ANTXR1: variants seen among roughly 807,000 people sequenced by gnomAD.
The protein encoded by ANTXR1 is ANTXR cell adhesion molecule 1, also known as anthrax toxin receptor 1.
Under a neutral mutation model 78.1 loss-of-function variants are expected in ANTXR1, and 19 were observed. That is an observed-to-expected ratio of 0.24 (90% CI 0.17 to 0.36). ANTXR1 has a LOEUF of 0.36. Ranked by LOEUF, ANTXR1 falls within the 10% of genes least tolerant of loss-of-function variation. The pLI is 1.00. For missense variants in ANTXR1, 518 were observed against 718.6 expected, an observed-to-expected ratio of 0.72 and a Z score of 3.19; for synonymous variants, 273 against 260.5, an observed-to-expected ratio of 1.05 and a Z score of -0.46.
intron 17 of ANTXR1, among the ~76,000 whole-genome samples, chr2:69,239,892 T>G (rs1443626707): frequency 6.6e-6 from 1 of 152,210 alleles, no homozygotes; most frequent in Non-Finnish European, 1.5e-5. Context: ...TCAGAATATG[T>G]CACCTCCAAT....
intron 8 of ANTXR1, among the ~76,000 whole-genome samples, chr2:69,080,896 A>G (rs1670880054): frequency 6.6e-6 from 1 of 152,198 alleles, no homozygotes; most frequent in Non-Finnish European, 1.5e-5. Flanking sequence ...GAAGAAAGGC[A>G]GAAGATGACA....
intron 17 of ANTXR1, among the ~76,000 whole-genome samples, chr2:69,230,258 AG>A (rs1209738019): frequency 6.6e-6 from 1 of 152,078 alleles, no homozygotes; most frequent in Non-Finnish European, 1.5e-5. Context: ...GATTTAAAGA[AG>A]GGATTTAAGC....
At chr2:69,197,681 G>A (rs1257602933) in intron 17 of ANTXR1, among the ~76,000 whole-genome samples, 6 of 152,208 alleles carry the variant, frequency 3.9e-5, no homozygotes, top group Admixed American at 3.3e-4. Context: ...ATTTGACAGA[G>A]CCTAGGTGAG....
chr2:69,070,065 T>C (rs187245656), intron 3 of ANTXR1, among the ~76,000 whole-genome samples: 1 of 152,338 alleles, frequency 6.6e-6, no homozygotes, highest in East Asian at 1.9e-4. Flanking sequence ...GTTGAACTCT[T>C]CCTGCCCGCA....
intron 14 of ANTXR1, among the ~76,000 whole-genome samples, chr2:69,179,194 G>A (rs896893029): frequency 2.6e-5 from 4 of 152,118 alleles, no homozygotes; most frequent in African/African-American, 9.7e-5. Context: ...AAAGTAATAT[G>A]AACTATAATA....
chr2:69,192,133 A>G (rs1168676888), intron 16 of ANTXR1, among the ~76,000 whole-genome samples: 1 of 152,200 alleles, frequency 6.6e-6, no homozygotes, highest in Admixed American at 6.5e-5. Context: ...TTAACATAGA[A>G]TATATCAGGG....
chr2:69,085,845 G>A (rs1242010174), intron 8 of ANTXR1, among the ~76,000 whole-genome samples: 1 of 152,220 alleles, frequency 6.6e-6, no homozygotes, highest in Middle Eastern at 3.2e-3. Context: ...TATTGGATTT[G>A]GAGAGTGACA....
chr2:69,191,344 G>A (rs1250257911), intron 16 of ANTXR1, among the ~76,000 whole-genome samples: 1 of 152,162 alleles, frequency 6.6e-6, no homozygotes, highest in Non-Finnish European at 1.5e-5. Flanking sequence ...TAATCCACCA[G>A]AAAATCATTT....
intron 10 of ANTXR1, among the ~76,000 whole-genome samples, chr2:69,110,478 A>G (rs951774751): frequency 6.6e-6 from 1 of 152,244 alleles, no homozygotes; most frequent in Non-Finnish European, 1.5e-5. Flanking sequence ...CTTCACCCCT[A>G]AATAATTAAA....
At chr2:69,108,501 T>C (rs1671881619) in intron 10 of ANTXR1, among the ~76,000 whole-genome samples, 1 of 152,232 alleles carries the variant, frequency 6.6e-6, no homozygotes, top group Non-Finnish European at 1.5e-5. Flanking sequence ...GCGGGACAAG[T>C]GCAGGTTTCT....
In ANTXR1 at chr2:69,066,938, T is replaced by A. The variant is rs141360018; in HGVS notation, c.297-3709T>A. 2.0e-3 allele frequency among the ~76,000 whole-genome samples: 305 copies of A among 152,300 alleles called. 1 individual carries two copies. The highest frequency in any genetic ancestry group is 7.0e-3 in the African/African-American group (289 of 41,562). On this transcript the variant is annotated intron_variant, in intron 3 of 17. Transcript: ENST00000303714. ...TCTTTCATTTCCCAGGAAGATAACA[T>A]TTCACTTGAAATAACCAAGTCCTCA...
At chr2:69,073,780 T>A (rs1238492375) in intron 6 of ANTXR1, among the ~76,000 whole-genome samples, 1 of 152,222 alleles carries the variant, frequency 6.6e-6, no homozygotes, top group Non-Finnish European at 1.5e-5. Context: ...ACATTTGAGC[T>A]ATATGCATAA....
intron 3 of ANTXR1, among the ~76,000 whole-genome samples, chr2:69,050,694 C>T (rs1669906057): frequency 6.6e-6 from 1 of 152,138 alleles, no homozygotes; most frequent in African/African-American, 2.4e-5. Context: ...ATCGTGTTTT[C>T]TAACTTGAGA....
At chr2:69,047,637 G>T (rs1444591258) in intron 3 of ANTXR1, among the ~76,000 whole-genome samples, 1 of 151,960 alleles carries the variant, frequency 6.6e-6, no homozygotes, top group African/African-American at 2.4e-5. Flanking sequence ...AGCTACTTGA[G>T]TTGGGGGGGG....
In ANTXR1 at chr2:69,013,232, GC is replaced by G; in HGVS notation, c.-264del. On this transcript the variant is annotated 5_prime_UTR_variant, in exon 1 of 18. Coordinates refer to ENST00000303714, the MANE Select transcript of ANTXR1 (RefSeq NM_032208.3). This position sits in a 1 kb window ranked among gnomAD's most constrained non-coding sequence, Gnocchi z 5.0. ...GCGCGGCCTCGGGAGCTGCCCGGCG[GC>G]CCCGGACCGAGGCAGCCCTCCCCTT... 1 of 510,650 alleles carries G rather than the reference GC, an allele frequency of 2.0e-6. No homozygotes were observed. Among genetic ancestry groups the G allele is most frequent in the Non-Finnish European group, 3.6e-6 (1 of 279,456 alleles). 31.6% of individuals were successfully genotyped at this position (510,650 alleles called of 1,614,324 possible). A position where few individuals can be genotyped will look rare whatever the true frequency, so the allele number is the denominator to read the frequency against.
chr2:69,090,579 C>T, intron 8 of ANTXR1: 1 of 497,878 alleles, frequency 2.0e-6, no homozygotes, highest in African/African-American at 1.9e-5. Flanking sequence ...TCTGCAAAAA[C>T]TAGGACTGGC....
At chr2:69,129,540 T>G (rs1479266985) in intron 12 of ANTXR1, among the ~76,000 whole-genome samples, 1 of 151,992 alleles carries the variant, frequency 6.6e-6, no homozygotes, top group Non-Finnish European at 1.5e-5. Flanking sequence ...GTTCACAAGG[T>G]CAAGAGATCG....
chr2:69,033,414 A>G (rs1671587103), intron 1 of ANTXR1, among the ~76,000 whole-genome samples: 1 of 152,232 alleles, frequency 6.6e-6, no homozygotes, highest in Non-Finnish European at 1.5e-5. Context: ...CCCTCAGATT[A>G]TTGTTCAGTT....
intron 17 of ANTXR1, among the ~76,000 whole-genome samples, chr2:69,209,008 T>C (rs1326643185): frequency 1.3e-5 from 2 of 152,164 alleles, no homozygotes; most frequent in Non-Finnish European, 2.9e-5. Context: ...GCTCCAGTGA[T>C]CCTCCTGCCT....
Sources: gnomAD v4.1 joint callset for allele counts (sites outside exome capture counted in the v4.1 genomes callset) on GRCh38, gnomAD v4.1.1 for gene constraint, Gnocchi (gnomAD v3.1) non-coding constraint, MANE v1.5 for transcripts, NCBI Gene and HGNC (gene_info 2026-07-23, HGNC 2026-07-21) for gene names.